The following RAB11FIP4 variants were observed in gnomAD, a reference collection of about 807,000 sequenced individuals.
RAB11FIP4 encodes rab11 family-interacting protein 4.
RAB11FIP4 carries 23 observed loss-of-function variants against 74.3 expected under a neutral mutation model. The observed-to-expected ratio is 0.31, with a 90% CI of 0.22 to 0.44. The LOEUF is 0.44. Among genes scored for constraint, RAB11FIP4 ranks in the 20% least tolerant of loss-of-function variants. RAB11FIP4 has a pLI of 1.00. For missense variants in RAB11FIP4, 630 were observed against 863.9 expected, an observed-to-expected ratio of 0.73 and a Z score of 3.39; for synonymous variants, 360 against 359.9, an observed-to-expected ratio of 1.00 and a Z score of 0.00.
chr17:31,451,452 C>T (rs6505246), intron 3 of RAB11FIP4, among the ~76,000 whole-genome samples: 48,882 of 133,580 alleles, frequency 0.37, 8,925 homozygotes, highest in South Asian at 0.47. Flanking sequence ...GAGCGAGACT[C>T]CATCTCAAAA....
At chr17:31,488,779 A>C (rs1205416071) in intron 3 of RAB11FIP4, among the ~76,000 whole-genome samples, 1 of 152,176 alleles carries the variant, frequency 6.6e-6, no homozygotes, top group African/African-American at 2.4e-5. Flanking sequence ...GCCTCTCCCC[A>C]GCCGAGAAGC....
chr17:31,449,322 G>A (rs1310872312), intron 3 of RAB11FIP4, among the ~76,000 whole-genome samples: 4 of 152,028 alleles, frequency 2.6e-5, no homozygotes, highest in Admixed American at 1.3e-4. Context: ...CCCGCACCAC[G>A]CCCCTGCTGG....
intron 3 of RAB11FIP4, among the ~76,000 whole-genome samples, chr17:31,517,191 C>CCGGGGGGGG (rs1249044714): frequency 2.3e-5 from 1 of 42,700 alleles, no homozygotes. Context: ...GGAGGCGGTG[C>CCGGGGGGGG]GGGGGGGGGG....
intron 1 of RAB11FIP4, among the ~76,000 whole-genome samples, chr17:31,417,868 G>C (rs1433829564): frequency 6.6e-6 from 1 of 152,198 alleles, no homozygotes; most frequent in African/African-American, 2.4e-5. Flanking sequence ...GGAAGTCAAG[G>C]CAGGAGGATC....
rs146105225 is a variant in RAB11FIP4 at position 31,501,482 on chromosome 17, G to A, written c.337-16169G>A. Among the ~76,000 whole-genome samples, 403 of 152,252 alleles carry A rather than the reference G, an allele frequency of 2.6e-3. 2 individuals carry two copies. Among genetic ancestry groups the A allele is most frequent in the African/African-American group, 9.0e-3 (374 of 41,568 alleles). On this transcript the variant is annotated intron_variant, in intron 3 of 14. Coordinates refer to ENST00000621161, the MANE Select transcript of RAB11FIP4 (RefSeq NM_032932.6). ...CTTGTTTTACAATAAAGTGTTTTATGTCCCACGCAATTTATTTTTTGTTGT... is the reference window on the plus strand; with the variant it reads ...CTTGTTTTACAATAAAGTGTTTTATATCCCACGCAATTTATTTTTTGTTGT...
At chr17:31,420,200 C>T (rs7504054) in intron 1 of RAB11FIP4, among the ~76,000 whole-genome samples, 82,578 of 151,904 alleles carry the variant, frequency 0.54, 26,729 homozygotes, top group Non-Finnish European at 0.71. Flanking sequence ...CCTTATTAGC[C>T]TTTTAAAGGA....
chr17:31,522,515 G>A (rs369465054), intron 7 of RAB11FIP4, 120 bp downstream of exon 7: 8 of 966,112 alleles, frequency 8.3e-6, no homozygotes, highest in Non-Finnish European at 1.3e-5. Flanking sequence ...TGAGCAGAGG[G>A]GAACGAGGCC....
chr17:31,401,924 A>G (rs939518948), intron 1 of RAB11FIP4, among the ~76,000 whole-genome samples: 35 of 152,204 alleles, frequency 2.3e-4, no homozygotes, highest in Admixed American at 3.9e-4. Flanking sequence ...TATCTCCTAG[A>G]GTTCCATCTG....
Position 31,528,627 on chromosome 17 carries a change from A to G in RAB11FIP4, c.1502A>G (p.Glu501Gly), listed in dbSNP as rs1425811311. 6 of 1,613,456 alleles carry G rather than the reference A, an allele frequency of 3.7e-6. No homozygotes were observed. Residue 501 changes from glutamate to glycine, a missense_variant, in exon 13 of 15, where the codon GAG becomes GGG. Physicochemically the swap from Glu to Gly is moderately conservative, Grantham distance 98. Transcript: ENST00000621161. ...TGCTTCTCTCCCTCGCAGCTCATCGAGGACTTGCGGAAGGAGCTGGAGCAC... is the reference window on the plus strand; with the variant it reads ...TGCTTCTCTCCCTCGCAGCTCATCGGGGACTTGCGGAAGGAGCTGGAGCAC... ...KEREATQELI[E>G]DLRKELEHLQ...
intron 1 of RAB11FIP4, among the ~76,000 whole-genome samples, chr17:31,427,428 C>T (rs1205708341): frequency 2.0e-5 from 3 of 152,298 alleles, no homozygotes; most frequent in South Asian, 2.1e-4. Flanking sequence ...CATCTGTCTG[C>T]CTGTCATCAA....
At chr17:31,505,700 T>C (rs2072335413) in intron 3 of RAB11FIP4, among the ~76,000 whole-genome samples, 1 of 118,316 alleles carries the variant, frequency 8.5e-6, no homozygotes, top group Non-Finnish European at 1.7e-5. Context: ...AATAATTATA[T>C]ATAATATATT....
intron 7 of RAB11FIP4, chr17:31,523,250 G>T: frequency 1.9e-6 from 1 of 526,576 alleles, no homozygotes. Context: ...GCGTGAAGAG[G>T]GTTCTGAGGC....
intron 1 of RAB11FIP4, among the ~76,000 whole-genome samples, chr17:31,393,249 T>G (rs1191239074): frequency 6.6e-6 from 1 of 152,226 alleles, no homozygotes; most frequent in Non-Finnish European, 1.5e-5. Flanking sequence ...TGCGGGGCTT[T>G]GCTGAGGGAC....
At chr17:31,499,693 T>C (rs1053886471) in intron 3 of RAB11FIP4, among the ~76,000 whole-genome samples, 5 of 152,140 alleles carry the variant, frequency 3.3e-5, no homozygotes, top group Non-Finnish European at 5.9e-5. Flanking sequence ...GATAATTACT[T>C]GCAGGGAGTT....
At chr17:31,517,619 C>T (rs1275241602) in intron 3 of RAB11FIP4, 32 bp from the exon 4 acceptor site, 2 of 1,564,454 alleles carry the variant, frequency 1.3e-6, no homozygotes, top group South Asian at 2.3e-5. Context: ...AAGCTGGCCT[C>T]ACTTATCTTG....
chr17:31,425,025 A>C (rs1019441484), intron 1 of RAB11FIP4, among the ~76,000 whole-genome samples: 1 of 152,232 alleles, frequency 6.6e-6, no homozygotes, highest in African/African-American at 2.4e-5. Context: ...TAGTGATTGC[A>C]ATTATTTTAG....
chr17:31,487,980 C>G (rs2071929245), intron 3 of RAB11FIP4: 2 of 959,536 alleles, frequency 2.1e-6, no homozygotes, highest in Non-Finnish European at 2.5e-6. Context: ...CCGCCCCGCC[C>G]CGGCGCGAGG....
chr17:31,415,665 C>T (rs757489838), intron 1 of RAB11FIP4, among the ~76,000 whole-genome samples: 7 of 152,210 alleles, frequency 4.6e-5, no homozygotes, highest in South Asian at 2.1e-4. Flanking sequence ...AAACTGAGGC[C>T]GAGAGAGGGG....
chr17:31,429,034 GT>G (rs1244715990), intron 1 of RAB11FIP4, among the ~76,000 whole-genome samples: 4 of 152,132 alleles, frequency 2.6e-5, no homozygotes, highest in Non-Finnish European at 5.9e-5. Flanking sequence ...CTGGAGTGCA[GT>G]GGCGCGATCT....
Sources: gnomAD v4.1 joint callset for allele counts (sites outside exome capture counted in the v4.1 genomes callset) on GRCh38, gnomAD v4.1.1 for gene constraint, MANE v1.5 for transcripts, NCBI Gene and HGNC (gene_info 2026-07-23, HGNC 2026-07-21) for gene names.